Variants in DIAPH2 observed in about 807,000 individuals in gnomAD.
The protein encoded by DIAPH2 is diaphanous related formin 2.
In DIAPH2, 35 loss-of-function variants were observed where a neutral mutation model predicts 92.7. That is an observed-to-expected ratio of 0.38 (90% CI 0.29 to 0.50). DIAPH2 has a LOEUF of 0.50. Ranked by LOEUF, DIAPH2 falls within the 20% of genes least tolerant of loss-of-function variation. The probability of loss-of-function intolerance (pLI) is 0.94; values close to 1 mark genes in which losing one functional copy is unlikely to be tolerated. For missense variants in DIAPH2, 701 were observed against 819.5 expected, an observed-to-expected ratio of 0.86 and a Z score of 1.77; for synonymous variants, 301 against 280.4, an observed-to-expected ratio of 1.07 and a Z score of -0.73.
intron 5 of DIAPH2, among the ~76,000 whole-genome samples, chrX:96,888,637 A>G (rs866091484): frequency 2.0e-5 from 2 of 99,741 alleles, no homozygotes; most frequent in Non-Finnish European, 3.9e-5. Flanking sequence ...ACAGATATAT[A>G]TATCTATATA....
intron 23 of DIAPH2, among the ~76,000 whole-genome samples, chrX:97,266,589 G>A (rs767661595): frequency 2.3e-4 from 26 of 111,802 alleles, no homozygotes; most frequent in Admixed American, 1.1e-3. Context: ...CTCCACTTAT[G>A]TAATTCTCTG....
intron 7 of DIAPH2, 131 bp from the exon 8 acceptor site, chrX:96,916,307 A>C: frequency 1.9e-6 from 1 of 539,932 alleles, no homozygotes; most frequent in Non-Finnish European, 2.7e-6. Flanking sequence ...CATTTGAAGA[A>C]TATTCATATA....
chrX:97,207,639 C>A (rs1470499518), intron 22 of DIAPH2, among the ~76,000 whole-genome samples: 5 of 111,137 alleles, frequency 4.5e-5, no homozygotes, highest in Admixed American at 1.9e-4. Flanking sequence ...TGGACCCCCA[C>A]TTTTTTTCAT....
intron 26 of DIAPH2, among the ~76,000 whole-genome samples, chrX:97,541,433 C>A (rs1321551495): frequency 9.0e-6 from 1 of 110,649 alleles, no homozygotes; most frequent in African/African-American, 3.3e-5. Context: ...AAATTCATAT[C>A]ACAGAGGAAA....
intron 17 of DIAPH2, among the ~76,000 whole-genome samples, chrX:96,969,751 A>C (rs1412009100): frequency 9.0e-6 from 1 of 111,242 alleles, no homozygotes; most frequent in Non-Finnish European, 1.9e-5. Context: ...TTACTCATCC[A>C]AGGGCTTCCA....
intron 21 of DIAPH2, among the ~76,000 whole-genome samples, chrX:97,124,688 A>G (rs1192223383): frequency 9.0e-6 from 1 of 111,610 alleles, no homozygotes; most frequent in Non-Finnish European, 1.9e-5. Context: ...TTACACACAC[A>G]CACACCTCCC....
intron 22 of DIAPH2, among the ~76,000 whole-genome samples, chrX:97,220,356 T>C (rs775574806): frequency 1.9e-5 from 2 of 106,582 alleles, no homozygotes; most frequent in Non-Finnish European, 3.9e-5. Flanking sequence ...TATCAGTGCT[T>C]ACAAGTTTTA....
Position 97,455,019 on chromosome X carries a change from G to A in DIAPH2, c.3241+25274G>A, listed in dbSNP as rs748563881. Among the ~76,000 whole-genome samples the A allele has an allele frequency of 9.8e-5, 11 of 111,774 alleles. No homozygotes were observed. The South Asian group carries it at 2.6e-3, about 27-fold the overall frequency. On this transcript the variant is annotated intron_variant, in intron 26 of 26. Transcript: ENST00000324765. ...TATTTGATGTTCATGATAATTATGC[G>A]AATTAGCAAAAATGTATTTTCAATA...
intron 25 of DIAPH2, among the ~76,000 whole-genome samples, chrX:97,400,207 A>G (rs927824315): frequency 1.8e-5 from 2 of 112,458 alleles, no homozygotes; most frequent in African/African-American, 6.5e-5. Flanking sequence ...CCTTTTAAAA[A>G]TAGCAAAGGT....
rs182279077 is a variant in DIAPH2 at position 97,302,294 on chromosome X, C to T, written c.2845-45822C>T. On this transcript the variant is annotated intron_variant, in intron 23 of 26. Coordinates refer to ENST00000324765, the MANE Select transcript of DIAPH2 (RefSeq NM_006729.5). ...CTGTAATCCCAGCACTTTGGGAGGC[C>T]GAGGTGGGCGGATCACCTGAGGGCA... Among the ~76,000 whole-genome samples, 5 of 108,011 alleles carry T rather than the reference C, an allele frequency of 4.6e-5. No individual in the cohort carries two copies. In the South Asian group the frequency reaches 2.1e-3, roughly 45 times the overall value. 93.8% of individuals were successfully genotyped at this position (108,011 alleles called of 115,157 possible).
chrX:97,217,179 C>T, intron 22 of DIAPH2, among the ~76,000 whole-genome samples: 1 of 111,716 alleles, frequency 9.0e-6, no homozygotes. Context: ...CATTACCTTC[C>T]CTGTGCCACT....
intron 17 of DIAPH2, among the ~76,000 whole-genome samples, chrX:96,990,004 A>T (rs940124272): frequency 3.7e-4 from 42 of 112,290 alleles, no homozygotes; most frequent in African/African-American, 1.3e-3. Flanking sequence ...GCACATACAA[A>T]CACATCTTTT....
chrX:96,684,951 A>G lies in DIAPH2; in HGVS notation c.-108A>G. On this transcript the variant is annotated 5_prime_UTR_variant, in exon 1 of 27. Transcript: ENST00000324765. ...TTCCCGGGCAGACACTCTCTCCCTCAGGAAGAGGTGCCGCCGAGTCAGCGC... is the reference window on the plus strand; with the variant it reads ...TTCCCGGGCAGACACTCTCTCCCTCGGGAAGAGGTGCCGCCGAGTCAGCGC... 5.7e-6 allele frequency: 5 copies of G among 876,812 alleles called. No homozygotes were observed. The highest frequency in any genetic ancestry group is 7.2e-6 in the Non-Finnish European group (5 of 692,277). 72.3% of individuals were successfully genotyped at this position (876,812 alleles called of 1,213,427 possible). A position where few individuals can be genotyped will look rare whatever the true frequency, so the allele number is the denominator to read the frequency against.
At chrX:97,205,881 A>G (rs767753557) in intron 22 of DIAPH2, among the ~76,000 whole-genome samples, 5 of 111,684 alleles carry the variant, frequency 4.5e-5, no homozygotes, top group Admixed American at 2.9e-4. Flanking sequence ...ACTATTTACA[A>G]TAGCAAAGAC....
At chrX:97,446,301 A>C (rs2070309859) in intron 26 of DIAPH2, among the ~76,000 whole-genome samples, 1 of 112,189 alleles carries the variant, frequency 8.9e-6, no homozygotes, top group South Asian at 3.7e-4. Context: ...GTGCATATTT[A>C]TTTACATTTG....
intron 16 of DIAPH2, among the ~76,000 whole-genome samples, chrX:96,962,468 CATATAT>C (rs1182832566): frequency 3.0e-5 from 1 of 33,398 alleles, no homozygotes; most frequent in Non-Finnish European, 5.2e-5. Context: ...TATATATATA[CATATAT>C]ATATACACAC....
intron 5 of DIAPH2, among the ~76,000 whole-genome samples, chrX:96,893,400 T>C: frequency 9.0e-6 from 1 of 111,226 alleles, no homozygotes; most frequent in Non-Finnish European, 1.9e-5. Flanking sequence ...GACATAGCTG[T>C]TACCTGATAA....
chrX:97,091,549 G>A (rs1393836969), intron 19 of DIAPH2, among the ~76,000 whole-genome samples: 3 of 111,666 alleles, frequency 2.7e-5, no homozygotes, highest in East Asian at 2.8e-4. Context: ...AGCTGGAACC[G>A]AAACAAGTCT....
intron 17 of DIAPH2, among the ~76,000 whole-genome samples, chrX:97,014,685 G>A (rs192629157): frequency 1.8e-5 from 2 of 111,924 alleles, no homozygotes; most frequent in East Asian, 2.8e-4. Context: ...GTGCTTAATG[G>A]CAATGAAAAC....
Sources: allele counts gnomAD v4.1 joint callset (sites outside exome capture counted in the v4.1 genomes callset), GRCh38; gene constraint gnomAD v4.1.1; transcripts MANE v1.5; gene names NCBI Gene and HGNC (gene_info 2026-07-23, HGNC 2026-07-21).